DPYD: variants seen among roughly 807,000 people sequenced by gnomAD.
DPYD encodes dihydropyrimidine dehydrogenase [NADP(+)].
Under a neutral mutation model 116.2 loss-of-function variants are expected in DPYD, and 109 were observed. The ratio of observed to expected loss-of-function variants is 0.94; its 90% CI spans 0.80 to 1.10. The LOEUF is 1.10. DPYD is among the 50% of genes least tolerant of loss of function. The probability of loss-of-function intolerance (pLI) is 0.00; values close to 1 mark genes in which losing one functional copy is unlikely to be tolerated. For synonymous variants in DPYD, 440 were observed against 432.0 expected, an observed-to-expected ratio of 1.02 and a Z score of -0.23; for missense variants, 1,302 against 1,254.5, an observed-to-expected ratio of 1.04 and a Z score of -0.57.
At position 97,740,334 on chromosome 1, in the gene DPYD, A is replaced by G. The variant is rs1664190906; in HGVS notation, c.321+58T>C. The G allele has an allele frequency of 5.0e-6, 7 of 1,402,336 alleles. No individual in the cohort carries two copies. The Admixed American group carries it at 1.2e-4, about 24-fold the overall frequency. The allele number at this position is 1,402,336 out of a possible 1,614,324, so 86.9% of individuals were successfully genotyped here. A position where few individuals can be genotyped will look rare whatever the true frequency, so the allele number is the denominator to read the frequency against. On this transcript the variant is annotated intron_variant, in intron 4 of 22. Transcript: ENST00000370192. ...CAAGCTGTATTCTGTACCCACAGAT[A>G]ATAGAGAACAAGATCAAATACTGTT...
At chr1:97,625,849 G>A (rs958474081) in intron 8 of DPYD, among the ~76,000 whole-genome samples, 6 of 151,942 alleles carry the variant, frequency 3.9e-5, no homozygotes, top group Non-Finnish European at 5.9e-5. Context: ...AATCTAATAC[G>A]ATGATAAAAC....
intron 4 of DPYD, among the ~76,000 whole-genome samples, chr1:97,724,307 G>T (rs1254026705): frequency 0.11 from 48 of 434 alleles, 1 homozygote; most frequent in African/African-American, 0.14. Flanking sequence ...GGGGGGGGGG[G>T]GTGTGTGTGT....
At chr1:97,738,381 C>T (rs1479397085) in intron 4 of DPYD, among the ~76,000 whole-genome samples, 2 of 152,080 alleles carry the variant, frequency 1.3e-5, no homozygotes, top group Non-Finnish European at 2.9e-5. Context: ...GAGCTGTAAT[C>T]CAGTTTGTAA....
At chr1:97,604,703 T>C (rs866946574) in intron 8 of DPYD, among the ~76,000 whole-genome samples, 2 of 152,080 alleles carry the variant, frequency 1.3e-5, no homozygotes, top group African/African-American at 4.8e-5. Flanking sequence ...TCACAGTACT[T>C]TTCTAGGAAT....
chr1:97,876,738 A>C (rs1343914058), intron 2 of DPYD, among the ~76,000 whole-genome samples: 1 of 152,044 alleles, frequency 6.6e-6, no homozygotes, highest in African/African-American at 2.4e-5. Flanking sequence ...AAATAATATA[A>C]CTACAGAAAG....
intron 2 of DPYD, among the ~76,000 whole-genome samples, chr1:97,864,016 A>C (rs1215588629): frequency 6.6e-6 from 1 of 152,014 alleles, no homozygotes; most frequent in Non-Finnish European, 1.5e-5. Flanking sequence ...TTAGTAGGTA[A>C]AGGAACTTAT....
At chr1:97,269,580 G>C (rs1664445242) in intron 18 of DPYD, among the ~76,000 whole-genome samples, 1 of 152,142 alleles carries the variant, frequency 6.6e-6, no homozygotes, top group African/African-American at 2.4e-5. Context: ...ATTTCTTATA[G>C]TTCCAAAGGC....
intron 20 of DPYD, among the ~76,000 whole-genome samples, chr1:97,142,584 C>T: frequency 6.6e-6 from 1 of 152,110 alleles, no homozygotes; most frequent in Non-Finnish European, 1.5e-5. Context: ...ATACTTGTTT[C>T]ACTTTCCTTC....
chr1:97,094,611 A>G (rs752479017), intron 21 of DPYD, among the ~76,000 whole-genome samples: 4 of 152,126 alleles, frequency 2.6e-5, no homozygotes, highest in Non-Finnish European at 5.9e-5. Context: ...TTTGGAAGGA[A>G]TGGGAATCAG....
chr1:97,139,437 C>T (rs189158064), intron 20 of DPYD, among the ~76,000 whole-genome samples: 33 of 152,108 alleles, frequency 2.2e-4, no homozygotes, highest in African/African-American at 7.5e-4. Context: ...TTATGAAAAA[C>T]CTAATAACAC....
chr1:97,766,593 G>A (rs752133487), intron 3 of DPYD, among the ~76,000 whole-genome samples: 1 of 152,148 alleles, frequency 6.6e-6, no homozygotes, highest in Non-Finnish European at 1.5e-5. Flanking sequence ...ACCTCTGAAA[G>A]AATTAAGTGG....
chr1:97,837,181 C>T (rs1299208943), intron 2 of DPYD, among the ~76,000 whole-genome samples: 1 of 152,044 alleles, frequency 6.6e-6, no homozygotes, highest in African/African-American at 2.4e-5. Flanking sequence ...TAACAATTGT[C>T]TATTAGTCTG....
intron 19 of DPYD, among the ~76,000 whole-genome samples, chr1:97,194,968 A>T (rs1658645600): frequency 6.6e-6 from 1 of 152,168 alleles, no homozygotes; most frequent in Non-Finnish European, 1.5e-5. Flanking sequence ...CTGGGATTTG[A>T]GTTAAAGCTT....
intron 3 of DPYD, among the ~76,000 whole-genome samples, chr1:97,760,534 A>T (rs898770437): frequency 6.6e-6 from 1 of 152,166 alleles, no homozygotes; most frequent in African/African-American, 2.4e-5. Context: ...GATGATTTAA[A>T]GTATACAGGA....
chr1:97,488,047 T>C (rs1678748120), intron 13 of DPYD, among the ~76,000 whole-genome samples: 1 of 151,986 alleles, frequency 6.6e-6, no homozygotes, highest in South Asian at 2.1e-4. Context: ...GGTGAATGGC[T>C]AAGCAAATTG....
At chr1:97,838,636 G>A (rs950723959) in intron 2 of DPYD, among the ~76,000 whole-genome samples, 4 of 151,488 alleles carry the variant, frequency 2.6e-5, no homozygotes, top group African/African-American at 4.8e-5. Context: ...ATGAGGTCAG[G>A]AGATCGAGAC....
intron 13 of DPYD, among the ~76,000 whole-genome samples, chr1:97,461,984 G>T (rs1557728467): frequency 6.6e-6 from 1 of 152,162 alleles, no homozygotes; most frequent in Non-Finnish European, 1.5e-5. Context: ...AAAACTTCCT[G>T]TCTGTGTCCT....
At chr1:97,670,120 G>C (rs775000948) in intron 8 of DPYD, among the ~76,000 whole-genome samples, 8 of 152,154 alleles carry the variant, frequency 5.3e-5, no homozygotes, top group Non-Finnish European at 1.2e-4. Context: ...GTTGTGTACT[G>C]TGATGTTCCA....
intron 10 of DPYD, 86 bp downstream of exon 10, chr1:97,593,132 A>G: frequency 2.0e-6 from 3 of 1,490,182 alleles, no homozygotes; most frequent in Non-Finnish European, 2.8e-6. Flanking sequence ...GACAATTTCA[A>G]CATTCTAGCG....
Sources: allele counts gnomAD v4.1 joint callset (sites outside exome capture counted in the v4.1 genomes callset), GRCh38; gene constraint gnomAD v4.1.1; transcripts MANE v1.5; gene names NCBI Gene and HGNC (gene_info 2026-07-23, HGNC 2026-07-21).